MYLK: variants seen among roughly 807,000 people sequenced by gnomAD.
MYLK encodes the protein myosin light chain kinase, smooth muscle.
Under a neutral mutation model 203.4 loss-of-function variants are expected in MYLK, and 106 were observed. That is an observed-to-expected ratio of 0.52 (90% CI 0.45 to 0.61). The LOEUF (loss-of-function observed/expected upper bound fraction) is 0.61. Among genes scored for constraint, MYLK ranks in the 20% least tolerant of loss-of-function variants. MYLK has a pLI of 0.00. For synonymous variants in MYLK, 867 were observed against 959.5 expected, an observed-to-expected ratio of 0.90 and a Z score of 1.78; for missense variants, 2,072 against 2,442.3, an observed-to-expected ratio of 0.85 and a Z score of 3.20.
chr3:123,649,261 A>G, intron 24 of MYLK, 67 bp from the exon 25 acceptor site: 1 of 1,604,532 alleles, frequency 6.2e-7, no homozygotes, highest in Non-Finnish European at 8.5e-7. Context: ...ACTGAGAGCA[A>G]GATGTGCTGG....
intron 21 of MYLK, 121 bp downstream of exon 21, chr3:123,667,016 G>T (rs2059757949): frequency 4.6e-6 from 4 of 868,604 alleles, no homozygotes; most frequent in Admixed American, 1.8e-5. Flanking sequence ...TGAGGGTGGG[G>T]GTGGGGTTGC....
At chr3:123,861,431 C>A (rs1271347624) in intron 2 of MYLK, among the ~76,000 whole-genome samples, 1 of 152,190 alleles carries the variant, frequency 6.6e-6, no homozygotes, top group Admixed American at 6.6e-5. Context: ...ATAAGGAGAA[C>A]CTTAGTTAAC....
intron 2 of MYLK, among the ~76,000 whole-genome samples, chr3:123,860,550 G>A (rs901533903): frequency 4.6e-5 from 7 of 152,172 alleles, no homozygotes; most frequent in African/African-American, 1.7e-4. Context: ...CTTCACTTCA[G>A]GAGGTTGAAT....
At chr3:123,638,776 C>A (rs928920293) in intron 28 of MYLK, 10 of 985,326 alleles carry the variant, frequency 1.0e-5, no homozygotes, top group Non-Finnish European at 9.6e-6. Context: ...AGCTTCATGG[C>A]TGTCCTTCAG....
Position 123,700,310 on chromosome 3 carries a change from G to A in MYLK, c.3158C>T (p.Ala1053Val). Residue 1053 changes from alanine to valine, a missense_variant, in exon 18 of 34, where the codon GCC becomes GTC. Physicochemically the swap from Ala to Val is moderately conservative, Grantham distance 64. Transcript: ENST00000360304. ...GGATTTCAGGTTCTCATCAGGCTTG[G>A]CATTGCCCATGGGCTTCAGGGTCTC... ...PAETLKPMGN[A>V]KPDENLKSAS... The A allele has an allele frequency of 1.9e-6, 3 of 1,613,868 alleles. No homozygotes were observed. Among genetic ancestry groups the A allele is most frequent in the Non-Finnish European group, 2.5e-6 (3 of 1,179,946 alleles).
At chr3:123,743,251 A>C (rs1486264024) in intron 5 of MYLK, among the ~76,000 whole-genome samples, 3 of 152,204 alleles carry the variant, frequency 2.0e-5, no homozygotes, top group African/African-American at 4.8e-5. Context: ...AAAAGCAAAA[A>C]CATGGCACTT....
intron 4 of MYLK, among the ~76,000 whole-genome samples, chr3:123,764,955 T>C (rs1560189225): frequency 6.6e-6 from 1 of 152,206 alleles, no homozygotes; most frequent in Non-Finnish European, 1.5e-5. Context: ...ACATCTCTCA[T>C]TTGCTGTTGT....
chr3:123,797,571 A>G (rs548851697), intron 3 of MYLK, among the ~76,000 whole-genome samples: 36 of 152,084 alleles, frequency 2.4e-4, no homozygotes, highest in African/African-American at 8.2e-4. Context: ...AAGTGATGAT[A>G]CACTGTGCAG....
chr3:123,815,844 C>T (rs901109101), intron 3 of MYLK, among the ~76,000 whole-genome samples: 3 of 152,180 alleles, frequency 2.0e-5, no homozygotes, highest in Admixed American at 6.5e-5. Context: ...ATGTAAATGG[C>T]TTTGTTTAAT....
intron 16 of MYLK, among the ~76,000 whole-genome samples, chr3:123,707,442 C>T (rs565071400): frequency 2.0e-5 from 3 of 152,292 alleles, no homozygotes; most frequent in African/African-American, 7.2e-5. Context: ...TCCCCCTATC[C>T]CCCTGCTTTT....
At chr3:123,641,292 C>T (rs1049692550) in intron 27 of MYLK, among the ~76,000 whole-genome samples, 4 of 152,220 alleles carry the variant, frequency 2.6e-5, no homozygotes, top group African/African-American at 7.2e-5. Context: ...GGCCCCACCG[C>T]CTGAGTTGCA....
At chr3:123,870,163 C>T (rs942302613) in intron 2 of MYLK, among the ~76,000 whole-genome samples, 2 of 152,224 alleles carry the variant, frequency 1.3e-5, no homozygotes, top group Non-Finnish European at 2.9e-5. Context: ...ATTCCTGAGC[C>T]TGCCAGCTAT....
chr3:123,729,294 T>A (rs2062398432), intron 11 of MYLK, among the ~76,000 whole-genome samples: 1 of 152,186 alleles, frequency 6.6e-6, no homozygotes. Context: ...GAACTCTCCA[T>A]CCAATCAATT....
chr3:123,717,596 C>G (rs369972784), intron 13 of MYLK, among the ~76,000 whole-genome samples: 1,303 of 11,132 alleles, frequency 0.12, 24 homozygotes, highest in African/African-American at 0.16. Flanking sequence ...TGGAGATACT[C>G]CAGGGGGAAA....
intron 19 of MYLK, among the ~76,000 whole-genome samples, chr3:123,689,175 C>A (rs372895266): frequency 1.3e-5 from 2 of 152,272 alleles, no homozygotes; most frequent in African/African-American, 4.8e-5. Flanking sequence ...AAGCTGGATG[C>A]CCTGGCCAGG....
chr3:123,841,104 A>C (rs889604702), intron 2 of MYLK, among the ~76,000 whole-genome samples: 1 of 152,050 alleles, frequency 6.6e-6, no homozygotes, highest in African/African-American at 2.4e-5. Context: ...ATAAAAGAGG[A>C]GCTTCTTACT....
At chr3:123,713,577 CAATGTG>C (rs1163303069) in intron 13 of MYLK, among the ~76,000 whole-genome samples, 1 of 110,328 alleles carries the variant, frequency 9.1e-6, no homozygotes, top group African/African-American at 3.5e-5. Flanking sequence ...AAGAGCAACA[CAATGTG>C]TGTGTGTGTG....
rs1708757975 is a variant in MYLK at position 123,642,569 on chromosome 3, A to G, written c.4620-2065T>C. Among the ~76,000 whole-genome samples the G allele has an allele frequency of 6.6e-6, 1 of 152,136 alleles. No individual in the cohort carries two copies. Among genetic ancestry groups the G allele is most frequent in the African/African-American group, 2.4e-5 (1 of 41,424 alleles). On this transcript the variant is annotated intron_variant, in intron 27 of 33. Transcript: ENST00000360304. This position sits in a 1 kb window ranked among gnomAD's most constrained non-coding sequence, Gnocchi z 4.2. ...AGCTAGAACTCATACTTTAAAACCC[A>G]TCTGAGAAGAAGGTCCCCAAATGGC...
intron 3 of MYLK, among the ~76,000 whole-genome samples, chr3:123,827,746 T>G (rs867464863): frequency 1.2e-4 from 9 of 74,576 alleles, no homozygotes; most frequent in African/African-American, 4.2e-4. Flanking sequence ...TATATATATA[T>G]ATAAAGACTC....
Sources: gnomAD v4.1 joint callset for allele counts (sites outside exome capture counted in the v4.1 genomes callset) on GRCh38, gnomAD v4.1.1 for gene constraint, Gnocchi (gnomAD v3.1) non-coding constraint, MANE v1.5 for transcripts, NCBI Gene and HGNC (gene_info 2026-07-23, HGNC 2026-07-21) for gene names.